Variants in ASCC1 observed in about 807,000 individuals in gnomAD.
The protein encoded by ASCC1 is ASC-1 complex subunit P50.
In ASCC1, 35 loss-of-function variants were observed where a neutral mutation model predicts 46.6. The observed-to-expected ratio is 0.75, with a 90% CI of 0.57 to 0.99. The LOEUF is 0.99. Ranked by LOEUF, ASCC1 falls within the 50% of genes least tolerant of loss-of-function variation. The pLI, the probability that ASCC1 is intolerant of heterozygous loss-of-function variation, is 0.00. For missense variants in ASCC1, 376 were observed against 428.7 expected (o/e 0.88, Z 1.09); for synonymous variants, 143 against 146.6 (o/e 0.98, Z 0.18).
intron 5 of ASCC1, among the ~76,000 whole-genome samples, chr10:72,180,336 A>G (rs1202447800): frequency 6.6e-6 from 1 of 151,868 alleles, no homozygotes; most frequent in Non-Finnish European, 1.5e-5. Context: ...TAAAAAAATA[A>G]AAGAGCTACC....
intron 9 of ASCC1, among the ~76,000 whole-genome samples, chr10:72,110,166 T>A (rs1360874691): frequency 6.6e-6 from 1 of 152,256 alleles, no homozygotes; most frequent in African/African-American, 2.4e-5. Flanking sequence ...CTCTTCTTAA[T>A]GCTCTTATTT....
chr10:72,112,987 C>G (rs1843097616), intron 9 of ASCC1, among the ~76,000 whole-genome samples: 1 of 150,130 alleles, frequency 6.7e-6, no homozygotes, highest in East Asian at 2.0e-4. Context: ...TAGAAATGAA[C>G]ACATAAAAAA....
intron 9 of ASCC1, among the ~76,000 whole-genome samples, chr10:72,108,076 CTTTTTTTT>C (rs375287948): frequency 3.1e-5 from 4 of 128,354 alleles, no homozygotes; most frequent in Non-Finnish European, 5.0e-5. Flanking sequence ...TTTTCTTTTT[CTTTTTTTT>C]TTTTTTTTTT....
intron 9 of ASCC1, among the ~76,000 whole-genome samples, chr10:72,110,325 A>G (rs1432678750): frequency 6.6e-6 from 1 of 152,232 alleles, no homozygotes; most frequent in Non-Finnish European, 1.5e-5. Context: ...CACAGGGGAC[A>G]GCAACAGGGA....
At chr10:72,133,428 T>G in intron 7 of ASCC1, 1 of 474,742 alleles carries the variant, frequency 2.1e-6, no homozygotes, top group South Asian at 2.0e-5. Context: ...AAGGGAGTGA[T>G]CAACTCTACA....
intron 9 of ASCC1, among the ~76,000 whole-genome samples, chr10:72,122,606 T>C (rs934784982): frequency 8.6e-5 from 13 of 151,626 alleles, no homozygotes; most frequent in Non-Finnish European, 1.5e-4. Context: ...ACCCCATCTT[T>C]ACAAAACAAT....
intron 3 of ASCC1, among the ~76,000 whole-genome samples, chr10:72,209,295 G>C (rs957242848): frequency 2.0e-5 from 3 of 152,074 alleles, no homozygotes; most frequent in African/African-American, 7.2e-5. Context: ...ACCAGCCTGG[G>C]AAACATAGTA....
At chr10:72,207,542 G>T (rs1459739827) in intron 3 of ASCC1, among the ~76,000 whole-genome samples, 1 of 152,092 alleles carries the variant, frequency 6.6e-6, no homozygotes, top group East Asian at 1.9e-4. Context: ...GCTATACACT[G>T]GAATCACCTG....
intron 5 of ASCC1, among the ~76,000 whole-genome samples, chr10:72,185,072 A>G (rs1440892900): frequency 6.6e-6 from 1 of 152,202 alleles, no homozygotes; most frequent in East Asian, 1.9e-4. Context: ...ACAATGAGCT[A>G]CCATGATGAG....
intron 1 of ASCC1, among the ~76,000 whole-genome samples, chr10:72,213,824 G>T (rs572365123): frequency 6.6e-6 from 1 of 151,970 alleles, no homozygotes; most frequent in East Asian, 1.9e-4. Context: ...CAGATCACAA[G>T]GTCAGGAGTT....
intron 9 of ASCC1, among the ~76,000 whole-genome samples, chr10:72,108,417 C>T (rs558027641): frequency 1.3e-5 from 2 of 152,260 alleles, no homozygotes; most frequent in African/African-American, 2.4e-5. Context: ...ACAAGCTGTA[C>T]AGAAAAGAAA....
At chr10:72,162,498 G>T (rs541078074) in intron 5 of ASCC1, among the ~76,000 whole-genome samples, 1 of 151,586 alleles carries the variant, frequency 6.6e-6, no homozygotes, top group Admixed American at 6.6e-5. Flanking sequence ...AAGAGACTGG[G>T]TCTTGCTGTC....
intron 7 of ASCC1, among the ~76,000 whole-genome samples, chr10:72,135,234 G>A (rs887113255): frequency 6.6e-6 from 1 of 152,204 alleles, no homozygotes; most frequent in African/African-American, 2.4e-5. Context: ...AACAAAACAA[G>A]CCCCACCCTT....
chr10:72,168,721 G>A (rs2132800409), intron 5 of ASCC1, among the ~76,000 whole-genome samples: 1 of 152,274 alleles, frequency 6.6e-6, no homozygotes, highest in Middle Eastern at 3.4e-3. Flanking sequence ...TCTTTATTCA[G>A]AAGAAGAAAC....
At chr10:72,105,823 A>C (rs763998300) in intron 9 of ASCC1, among the ~76,000 whole-genome samples, 36 of 152,046 alleles carry the variant, frequency 2.4e-4, no homozygotes, top group Non-Finnish European at 4.3e-4. Context: ...CAAAGCTTCT[A>C]CTCCTTCCCC....
At chr10:72,102,297 G>C (rs565879750) in intron 9 of ASCC1, 1 of 1,530,116 alleles carries the variant, frequency 6.5e-7, no homozygotes, top group African/African-American at 1.4e-5. Context: ...AAAACAACAA[G>C]TTCAGGTGTG....
chr10:72,160,940 G>A lies in ASCC1; in HGVS notation c.626+598C>T, dbSNP rs543596816. 4.6e-5 allele frequency among the ~76,000 whole-genome samples: 7 copies of A among 151,846 alleles called. No homozygotes were observed. The South Asian group carries it at 8.3e-4, about 18-fold the overall frequency. On this transcript the variant is annotated intron_variant, in intron 6 of 9. Coordinates refer to ENST00000672957, the MANE Select transcript of ASCC1 (RefSeq NM_001198800.3). The stretch of plus-strand genomic sequence containing the variant: ...CTACTAAAAATACAAAAAATTAGCC[G>A]GACGCGGTGGCGGGCGCCTGTAGTC...
chr10:72,134,784 G>C (rs181629450), intron 7 of ASCC1, among the ~76,000 whole-genome samples: 1 of 152,252 alleles, frequency 6.6e-6, no homozygotes, highest in African/African-American at 2.4e-5. Context: ...AATAAGAACA[G>C]GAAGACTTCA....
intron 2 of ASCC1, chr10:72,212,344 AAAC>A (rs1039909936): frequency 4.3e-5 from 7 of 161,608 alleles, no homozygotes; most frequent in African/African-American, 1.7e-4. Flanking sequence ...AAAAAATAAA[AAAC>A]AATACAGTAC....
Sources: allele counts gnomAD v4.1 joint callset (sites outside exome capture counted in the v4.1 genomes callset), GRCh38; gene constraint gnomAD v4.1.1; transcripts MANE v1.5; gene names NCBI Gene and HGNC (gene_info 2026-07-23, HGNC 2026-07-21).